The following MTMR7 variants were observed in gnomAD, a reference collection of about 807,000 sequenced individuals.
The protein encoded by MTMR7 is myotubularin related protein 7, also known as phosphatidylinositol-3-phosphate phosphatase MTMR7.
In MTMR7, 76 loss-of-function variants were observed where a neutral mutation model predicts 81.2. The observed-to-expected ratio is 0.94, with a 90% CI of 0.78 to 1.13. The LOEUF is 1.13. MTMR7 is among the 50% of genes most tolerant of loss of function. The pLI is 0.00. For synonymous variants in MTMR7, 372 were observed against 289.8 expected (o/e 1.28, Z -2.88); for missense variants, 1,044 against 820.0 (o/e 1.27, Z -3.34).
chr8:17,382,654 G>A (rs544804108), intron 1 of MTMR7, among the ~76,000 whole-genome samples: 2 of 152,208 alleles, frequency 1.3e-5, no homozygotes, highest in African/African-American at 4.8e-5. Flanking sequence ...TGTCTCAAAT[G>A]AAATACCCAC....
At position 17,300,031 on chromosome 8, in the gene MTMR7, A is replaced by G; in HGVS notation, c.1814T>C (p.Leu605Pro). 2 of 1,614,184 alleles carry G rather than the reference A, an allele frequency of 1.2e-6. No individual in the cohort carries two copies. Among genetic ancestry groups the G allele is most frequent in the South Asian group, 1.1e-5 (1 of 91,088 alleles). The change falls in exon 14 of 14, where the codon CTA (leucine) becomes CCA (proline). Residue 605 changes from leucine to proline, a missense_variant. Transcript: ENST00000180173. ...SQGDEDSALI[L>P]TQDNLKSSDP... ...TGAACTTTTCAGATTGTCTTGGGTT[A>G]GAATCAGAGCAGAATCTTCATCGCC...
chr8:17,356,135 T>C (rs894648056), intron 4 of MTMR7, among the ~76,000 whole-genome samples: 1 of 152,190 alleles, frequency 6.6e-6, no homozygotes, highest in Non-Finnish European at 1.5e-5. Flanking sequence ...CCCTCCTTTG[T>C]TAAGCCAAAA....
intron 1 of MTMR7, among the ~76,000 whole-genome samples, chr8:17,399,326 T>C (rs1317047116): frequency 2.0e-5 from 3 of 152,188 alleles, no homozygotes; most frequent in Admixed American, 6.5e-5. Context: ...GTAGCGTTCA[T>C]GTATGCCAAC....
At position 17,395,359 on chromosome 8, in the gene MTMR7, G is replaced by A. The variant is rs1460288553; in HGVS notation, c.24+17910C>T. On this transcript the variant is annotated intron_variant, in intron 1 of 13. Coordinates refer to ENST00000180173, the MANE Select transcript of MTMR7 (RefSeq NM_004686.5). Reference sequence around the variant, plus strand: ...ATTGTTCCCACCATTTGGCTATTGTGAATAATGCAGCTATGAACATGGGCA... The same window carrying A: ...ATTGTTCCCACCATTTGGCTATTGTAAATAATGCAGCTATGAACATGGGCA... Among the ~76,000 whole-genome samples the A allele has an allele frequency of 3.3e-5, 5 of 152,116 alleles. No individual in the cohort carries two copies. The South Asian group carries it at 6.2e-4, about 19-fold the overall frequency.
intron 1 of MTMR7, among the ~76,000 whole-genome samples, chr8:17,400,738 GCT>G (rs1436163200): frequency 6.6e-6 from 1 of 151,352 alleles, no homozygotes; most frequent in Non-Finnish European, 1.5e-5. Flanking sequence ...AATCAAATAC[GCT>G]CTTACTCAAA....
At chr8:17,323,824 G>A (rs984279638) in intron 7 of MTMR7, among the ~76,000 whole-genome samples, 1 of 152,134 alleles carries the variant, frequency 6.6e-6, no homozygotes, top group Non-Finnish European at 1.5e-5. Context: ...ACTGTCTTGA[G>A]TTTGATGGGC....
intron 5 of MTMR7, among the ~76,000 whole-genome samples, chr8:17,341,939 C>G (rs1819418938): frequency 1.3e-5 from 2 of 151,122 alleles, no homozygotes; most frequent in Admixed American, 1.3e-4. Flanking sequence ...TTTAAACTAG[C>G]CCATCTAGAA....
intron 4 of MTMR7, among the ~76,000 whole-genome samples, chr8:17,358,802 A>C (rs1411153893): frequency 6.6e-6 from 1 of 152,196 alleles, no homozygotes; most frequent in South Asian, 2.1e-4. Context: ...GATTTTTCTT[A>C]TAAAATAATT....
In MTMR7 at chr8:17,413,347, C is replaced by G; in HGVS notation, c.-55G>C. The G allele has an allele frequency of 4.0e-6, 6 of 1,486,428 alleles. No individual in the cohort carries two copies. The highest frequency in any genetic ancestry group is 5.4e-6 in the Non-Finnish European group (6 of 1,119,200). 92.1% of individuals were successfully genotyped at this position (1,486,428 alleles called of 1,614,324 possible). On this transcript the variant is annotated 5_prime_UTR_variant, in exon 1 of 14. Coordinates refer to ENST00000180173, the MANE Select transcript of MTMR7 (RefSeq NM_004686.5). The stretch of plus-strand genomic sequence containing the variant: ...GGGCGCGGCCTCACGCACCTGCGCG[C>G]CTCTGCGGCGCGATGGGAGGGGCGC...
intron 4 of MTMR7, among the ~76,000 whole-genome samples, chr8:17,350,881 C>G (rs1025306391): frequency 6.6e-6 from 1 of 152,096 alleles, no homozygotes; most frequent in Non-Finnish European, 1.5e-5. Flanking sequence ...AGAAGATTAC[C>G]AAAGAGTTTA....
rs1157857719 is a variant in MTMR7, at chr8:17,311,735, A to T, written c.976-99T>A. The T allele has an allele frequency of 2.6e-6, 4 of 1,554,860 alleles. No individual in the cohort carries two copies. The African/African-American group carries it at 4.1e-5, about 16-fold the overall frequency. On this transcript the variant is annotated intron_variant, in intron 8 of 13. Coordinates refer to ENST00000180173, the MANE Select transcript of MTMR7 (RefSeq NM_004686.5). ...TTTGACTGTATATTTACAGAAAGAA[A>T]CAGCCAAAACGAAACACCTGTCCAT...
At position 17,410,881 on chromosome 8, in the gene MTMR7, C is replaced by G. The variant is rs529552001; in HGVS notation, c.24+2388G>C. ...CTTTTCCTCTTAAAACTCTACTACC[C>G]ACACAGTAAATATTGCTATAAACCC... On this transcript the variant is annotated intron_variant, in intron 1 of 13. Transcript: ENST00000180173. Among the ~76,000 whole-genome samples, 61 of 152,256 alleles carry G rather than the reference C, an allele frequency of 4.0e-4. 1 individual carries two copies. The highest frequency in any genetic ancestry group is 1.4e-3 in the African/African-American group (59 of 41,562).
At chr8:17,399,419 T>C (rs1245979124) in intron 1 of MTMR7, among the ~76,000 whole-genome samples, 2 of 151,646 alleles carry the variant, frequency 1.3e-5, no homozygotes, top group Non-Finnish European at 2.9e-5. Context: ...GGAAACAATT[T>C]AACTTAAGTA....
intron 5 of MTMR7, among the ~76,000 whole-genome samples, chr8:17,347,087 G>C (rs536011313): frequency 2.0e-5 from 3 of 151,368 alleles, no homozygotes; most frequent in African/African-American, 7.3e-5. Flanking sequence ...CCAGTGACTC[G>C]GGAGGCTGAG....
chr8:17,392,780 G>A (rs1310099105), intron 1 of MTMR7, among the ~76,000 whole-genome samples: 1 of 152,232 alleles, frequency 6.6e-6, no homozygotes, highest in Non-Finnish European at 1.5e-5. Context: ...AACTCATTGT[G>A]CAGCAGGGAG....
chr8:17,330,484 C>T (rs1818941888), intron 7 of MTMR7, among the ~76,000 whole-genome samples: 2 of 152,244 alleles, frequency 1.3e-5, no homozygotes, highest in Non-Finnish European at 2.9e-5. Context: ...GCAGAAGCAG[C>T]GGACTAAGCT....
chr8:17,307,643 C>T (rs917506589), intron 10 of MTMR7, among the ~76,000 whole-genome samples: 2 of 152,134 alleles, frequency 1.3e-5, no homozygotes, highest in East Asian at 3.9e-4. Flanking sequence ...ACCTATATGT[C>T]CAACAACAAT....
At chr8:17,322,950 C>CTTTTTTTTTTTTTTTTTTTTTTTTTTTTT in intron 7 of MTMR7, among the ~76,000 whole-genome samples, 1 of 125,776 alleles carries the variant, frequency 8.0e-6, no homozygotes, top group Non-Finnish European at 1.6e-5. Flanking sequence ...ATTGAATTAT[C>CTTTTTTTTTTTTTTTTTTTTTTTTTTTTT]TTTTTTTTTT....
intron 1 of MTMR7, among the ~76,000 whole-genome samples, chr8:17,382,013 C>A (rs1023289201): frequency 2.0e-5 from 3 of 152,112 alleles, no homozygotes; most frequent in African/African-American, 7.2e-5. Context: ...CAGCTGTGAC[C>A]CAGTGGTACT....
Sources: allele counts gnomAD v4.1 joint callset (sites outside exome capture counted in the v4.1 genomes callset), GRCh38; gene constraint gnomAD v4.1.1; transcripts MANE v1.5; gene names NCBI Gene and HGNC (gene_info 2026-07-23, HGNC 2026-07-21).